Variants in STXBP5L observed in about 807,000 individuals in gnomAD.
STXBP5L encodes the protein syntaxin binding protein 5L.
STXBP5L carries 65 observed loss-of-function variants against 144.5 expected under a neutral mutation model. That is an observed-to-expected ratio of 0.45 (90% CI 0.37 to 0.55). STXBP5L has a LOEUF of 0.55. Among genes scored for constraint, STXBP5L ranks in the 20% least tolerant of loss-of-function variants. STXBP5L has a pLI of 0.00. For synonymous variants in STXBP5L, 505 were observed against 469.6 expected (o/e 1.08, Z -0.97); for missense variants, 1,298 against 1,405.5 (o/e 0.92, Z 1.22).
chr3:121,213,230 A>T (rs1012106524), intron 10 of STXBP5L, among the ~76,000 whole-genome samples: 4 of 152,182 alleles, frequency 2.6e-5, no homozygotes, highest in African/African-American at 7.2e-5. Context: ...TGCCCTGGCC[A>T]AAACTTCCAA....
rs763125537 is a variant in STXBP5L, at chr3:120,909,631, C to CTGGCAGTGGTAGCAGCAG, written c.61_78dup (p.Gly21_Ser26dup). ...TTGGATGGCTTAACTGCCTCCTCCC[C>CTGGCAGTGGTAGCAGCAG]TGGCAGTGGTAGCAGCAGTGGCAGT... On this transcript the variant is annotated inframe_insertion, in exon 2 of 27. Transcript: ENST00000471454. 1.2e-6 allele frequency: 2 copies of CTGGCAGTGGTAGCAGCAG among 1,613,572 alleles called. No individual in the cohort carries two copies. Among genetic ancestry groups the CTGGCAGTGGTAGCAGCAG allele is most frequent in the Non-Finnish European group, 1.7e-6 (2 of 1,179,772 alleles).
intron 3 of STXBP5L, among the ~76,000 whole-genome samples, chr3:120,984,059 C>T (rs917887935): frequency 1.5e-4 from 23 of 152,150 alleles, no homozygotes; most frequent in Admixed American, 4.6e-4. Context: ...TAGTTCACCC[C>T]GGATGATTCA....
intron 7 of STXBP5L, among the ~76,000 whole-genome samples, chr3:121,143,948 A>G (rs186221656): frequency 6.6e-6 from 1 of 151,868 alleles, no homozygotes; most frequent in Admixed American, 6.6e-5. Flanking sequence ...TAAACTTAAC[A>G]CTGAAAGTAA....
chr3:121,053,150 G>T (rs567936738), intron 5 of STXBP5L, among the ~76,000 whole-genome samples: 7 of 152,244 alleles, frequency 4.6e-5, no homozygotes, highest in African/African-American at 1.7e-4. Flanking sequence ...TCAATATCGT[G>T]AAAATGGCCA....
chr3:121,333,330 A>T lies in STXBP5L; in HGVS notation c.2176+14790A>T, dbSNP rs1577480216. Among the ~76,000 whole-genome samples, 9 of 152,268 alleles carry T rather than the reference A, an allele frequency of 5.9e-5. 3 individuals carry two copies. Among genetic ancestry groups the T allele is most frequent in the Admixed American group, 5.9e-4 (9 of 15,280 alleles). Reference sequence around the variant, plus strand: ...TCAAGAAGTTCTTTGAAACAAATGAAAACAAAGATACAACATACCAGAATC... The same window carrying T: ...TCAAGAAGTTCTTTGAAACAAATGATAACAAAGATACAACATACCAGAATC... On this transcript the variant is annotated intron_variant, in intron 20 of 26. Transcript: ENST00000471454.
chr3:121,163,656 A>T (rs977470064), intron 9 of STXBP5L, among the ~76,000 whole-genome samples: 10 of 152,216 alleles, frequency 6.6e-5, no homozygotes, highest in African/African-American at 2.4e-4. Flanking sequence ...TAGCAAAGAT[A>T]AACACAGTAT....
At chr3:121,040,355 TAA>T (rs889502625) in intron 3 of STXBP5L, among the ~76,000 whole-genome samples, 2 of 152,086 alleles carry the variant, frequency 1.3e-5, no homozygotes, top group African/African-American at 4.8e-5. Context: ...CATACTGAGG[TAA>T]TATTCTCTGA....
At chr3:121,170,144 C>A (rs1242900968) in intron 9 of STXBP5L, among the ~76,000 whole-genome samples, 2 of 152,038 alleles carry the variant, frequency 1.3e-5, no homozygotes, top group Admixed American at 1.3e-4. Flanking sequence ...TATTTGAAAC[C>A]AATGAGAACA....
intron 3 of STXBP5L, among the ~76,000 whole-genome samples, chr3:121,026,063 T>A (rs557954076): frequency 2.0e-5 from 3 of 147,940 alleles, no homozygotes; most frequent in Non-Finnish European, 4.5e-5. Context: ...AATTATATTA[T>A]AATTAAATTA....
chr3:121,160,552 T>C (rs2046285449), intron 9 of STXBP5L, among the ~76,000 whole-genome samples: 1 of 151,946 alleles, frequency 6.6e-6, no homozygotes, highest in Non-Finnish European at 1.5e-5. Flanking sequence ...ATGCAAATAT[T>C]ATGCCATTTT....
chr3:121,393,115 G>A (rs1207412843), intron 22 of STXBP5L, among the ~76,000 whole-genome samples: 1 of 151,042 alleles, frequency 6.6e-6, no homozygotes, highest in African/African-American at 2.4e-5. Flanking sequence ...TTTATTAATA[G>A]CCATTCTGAC....
At chr3:121,098,941 A>G (rs1021716352) in intron 5 of STXBP5L, among the ~76,000 whole-genome samples, 1 of 152,018 alleles carries the variant, frequency 6.6e-6, no homozygotes, top group Admixed American at 6.6e-5. Flanking sequence ...GCATCCTCCC[A>G]CCTCACAGAT....
chr3:121,047,551 A>G (rs1191209664), intron 5 of STXBP5L, among the ~76,000 whole-genome samples: 2 of 152,152 alleles, frequency 1.3e-5, no homozygotes, highest in South Asian at 4.1e-4. Context: ...TTGGGTGCAT[A>G]TATATTTAGG....
chr3:120,990,718 A>G (rs1343700460), intron 3 of STXBP5L, among the ~76,000 whole-genome samples: 3 of 152,220 alleles, frequency 2.0e-5, no homozygotes, highest in Non-Finnish European at 4.4e-5. Flanking sequence ...TGACAAAAAC[A>G]AGAAATGGGG....
At chr3:121,188,392 C>T (rs554315198) in intron 9 of STXBP5L, among the ~76,000 whole-genome samples, 1 of 152,220 alleles carries the variant, frequency 6.6e-6, no homozygotes, top group Admixed American at 6.5e-5. Context: ...TCACTCAAAA[C>T]TGCTCAACTA....
intron 3 of STXBP5L, among the ~76,000 whole-genome samples, chr3:121,026,332 AAGTCACCTACTAAC>A (rs1945943354): frequency 6.6e-6 from 1 of 152,006 alleles, no homozygotes; most frequent in African/African-American, 2.4e-5. Flanking sequence ...CTGAGCTTTA[AAGTCACCTACTAAC>A]AGAGCCTTTC....
chr3:121,196,390 C>T (rs1490684813), intron 9 of STXBP5L, among the ~76,000 whole-genome samples: 3 of 151,982 alleles, frequency 2.0e-5, no homozygotes, highest in Non-Finnish European at 2.9e-5. Flanking sequence ...CCACCTGCCT[C>T]GACCTCCCAA....
intron 7 of STXBP5L, among the ~76,000 whole-genome samples, chr3:121,140,260 A>G (rs2045440583): frequency 1.3e-5 from 2 of 152,134 alleles, no homozygotes; most frequent in African/African-American, 2.4e-5. Flanking sequence ...ACAAAAGATA[A>G]TAAGTACTGG....
chr3:121,096,393 T>C (rs1213850629), intron 5 of STXBP5L, among the ~76,000 whole-genome samples: 1 of 152,256 alleles, frequency 6.6e-6, no homozygotes, highest in Non-Finnish European at 1.5e-5. Flanking sequence ...AGTTTTATTC[T>C]GTTGCTGGCG....
Sources: gnomAD v4.1 joint callset for allele counts (sites outside exome capture counted in the v4.1 genomes callset) on GRCh38, gnomAD v4.1.1 for gene constraint, MANE v1.5 for transcripts, NCBI Gene and HGNC (gene_info 2026-07-23, HGNC 2026-07-21) for gene names.